The following PPIG variants were observed in gnomAD, a reference collection of about 807,000 sequenced individuals.
The protein encoded by PPIG is peptidyl-prolyl cis-trans isomerase G.
In PPIG, 26 loss-of-function variants were observed where a neutral mutation model predicts 87.9. The observed-to-expected ratio is 0.30, with a 90% CI of 0.22 to 0.41. The LOEUF is 0.41. Ranked by LOEUF, PPIG falls within the 10% of genes least tolerant of loss-of-function variation. The pLI is 1.00. For synonymous variants in PPIG, 308 were observed against 276.5 expected, an observed-to-expected ratio of 1.11 and a Z score of -1.13; for missense variants, 722 against 879.4, an observed-to-expected ratio of 0.82 and a Z score of 2.26.
At chr2:169,606,306 C>T (rs1685321921) in intron 5 of PPIG, among the ~76,000 whole-genome samples, 160 bp downstream of exon 5, 1 of 152,034 alleles carries the variant, frequency 6.6e-6, no homozygotes. Flanking sequence ...AAGAAGGAAG[C>T]TCATAGGCTG....
Position 169,638,378 on chromosome 2 carries a change from T to C in PPIG, c.*855T>C, listed in dbSNP as rs1041379748. The stretch of plus-strand genomic sequence containing the variant: ...AGCTTTTCTCATTAAAACATACCAT[T>C]TGTGCAGGTCCTTAAGCTATACAGA... On this transcript the variant is annotated 3_prime_UTR_variant, in exon 14 of 14. Coordinates refer to ENST00000260970, the MANE Select transcript of PPIG (RefSeq NM_004792.3). The C allele has an allele frequency of 1.1e-4, 16 of 152,000 alleles. No individual in the cohort carries two copies. Among genetic ancestry groups the C allele is most frequent in the African/African-American group, 3.4e-4 (14 of 41,416 alleles). The allele number at this position is 152,000 out of a possible 1,614,324, so 9.4% of individuals were successfully genotyped here.
intron 1 of PPIG, among the ~76,000 whole-genome samples, chr2:169,597,028 TGATA>T (rs1685038644): frequency 8.0e-6 from 1 of 124,650 alleles, no homozygotes; most frequent in Non-Finnish European, 1.8e-5. Context: ...GGTAATCTGT[TGATA>T]GATACTTAAG....
chr2:169,606,079 T>C lies in PPIG; in HGVS notation c.177T>C (p.His59=). 1 of 1,613,402 alleles carries C rather than the reference T, an allele frequency of 6.2e-7. No homozygotes were observed. Among genetic ancestry groups the C allele is most frequent in the African/African-American group, 1.3e-5 (1 of 75,022 alleles). The change falls in exon 5 of 14, where the codon CAT becomes CAC. Residue 59 remains histidine, a synonymous_variant. Coordinates refer to ENST00000260970, the MANE Select transcript of PPIG (RefSeq NM_004792.3). Reference sequence around the variant, plus strand: ...GGAAATCAACTCAGAAACCATTACATTATAAGAGTTGTCTCTTTCACAGAG... The same window carrying C: ...GGAAATCAACTCAGAAACCATTACACTATAAGAGTTGTCTCTTTCACAGAG... ...GTGKSTQKPL[H]YKSCLFHRVV...
At chr2:169,621,833 T>G (rs1175302079) in intron 9 of PPIG, among the ~76,000 whole-genome samples, 2 of 151,920 alleles carry the variant, frequency 1.3e-5, no homozygotes, top group Non-Finnish European at 2.9e-5. Flanking sequence ...GGCTGACACC[T>G]GTAATCCCAG....
At chr2:169,599,851 T>A (rs1412421373) in intron 1 of PPIG, among the ~76,000 whole-genome samples, 4 of 152,182 alleles carry the variant, frequency 2.6e-5, no homozygotes. Flanking sequence ...AAATTAATAT[T>A]CTCAGCAACT....
chr2:169,607,747 T>G lies in PPIG; in HGVS notation c.289+599T>G, dbSNP rs543578643. ...AGATTGGAAAACAAATTCCTCCTTT[T>G]GCGGTAAGTGATGCTATGGCAGAGG... On this transcript the variant is annotated intron_variant, in intron 6 of 13. Coordinates refer to ENST00000260970, the MANE Select transcript of PPIG (RefSeq NM_004792.3). 3.3e-5 allele frequency among the ~76,000 whole-genome samples: 5 copies of G among 152,326 alleles called. No individual in the cohort carries two copies. The East Asian group carries it at 7.7e-4, about 23-fold the overall frequency.
intron 7 of PPIG, among the ~76,000 whole-genome samples, chr2:169,612,005 T>C (rs571237734): frequency 6.6e-6 from 1 of 152,340 alleles, no homozygotes; most frequent in East Asian, 1.9e-4. Context: ...AGACAGAGTC[T>C]TGCTCTGTTG....
intron 12 of PPIG, chr2:169,633,518 G>GT: frequency 1.9e-6 from 1 of 521,510 alleles, no homozygotes; most frequent in East Asian, 3.4e-5. Flanking sequence ...GGCAATCACT[G>GT]TATCTCTATT....
chr2:169,631,535 G>A, intron 10 of PPIG: 1 of 1,261,894 alleles, frequency 7.9e-7, no homozygotes, highest in Non-Finnish European at 1.0e-6. Flanking sequence ...CATTTTGTAG[G>A]AAAATATTTT....
At position 169,636,157 on chromosome 2, in the gene PPIG, T is replaced by C. The variant is rs1303664853; in HGVS notation, c.1083T>C (p.His361=). Residue 361 remains histidine, a synonymous_variant, in exon 13 of 14, where the codon CAT becomes CAC. Coordinates refer to ENST00000260970, the MANE Select transcript of PPIG (RefSeq NM_004792.3). ...TCAGACGTAGTGAGACTCCTCCACA[T>C]TGGAGGCAAGAGATGCAGAGAGCTC... ...DRFRRSETPP[H]WRQEMQRAQR... is the part of the protein sequence containing the mutation. The C allele has an allele frequency of 2.5e-6, 4 of 1,611,872 alleles. No individual in the cohort carries two copies. The highest frequency in any genetic ancestry group is 2.7e-5 in the African/African-American group (2 of 74,804).
chr2:169,637,650 C>A lies in PPIG; in HGVS notation c.*127C>A. On this transcript the variant is annotated 3_prime_UTR_variant, in exon 14 of 14. Transcript: ENST00000260970. ...TTGTTTTATGTTTGTCCTTTTTTTT[C>A]TTAATGTGGATTTCATTGAGTTGAT... The A allele has an allele frequency of 1.0e-6, 1 of 989,366 alleles. No homozygotes were observed. The highest frequency in any genetic ancestry group is 2.1e-5 in the South Asian group (1 of 47,712). The allele number at this position is 989,366 out of a possible 1,614,324, so 61.3% of individuals were successfully genotyped here. A position where few individuals can be genotyped will look rare whatever the true frequency, so the allele number is the denominator to read the frequency against.
intron 7 of PPIG, among the ~76,000 whole-genome samples, chr2:169,612,638 T>C (rs1685521542): frequency 6.6e-6 from 1 of 152,154 alleles, no homozygotes; most frequent in Non-Finnish European, 1.5e-5. Context: ...CGCCTTGGCC[T>C]CCCAAACTGC....
At chr2:169,615,290 G>A (rs1168414031) in intron 9 of PPIG, among the ~76,000 whole-genome samples, 4 of 152,122 alleles carry the variant, frequency 2.6e-5, no homozygotes, top group Admixed American at 6.6e-5. Flanking sequence ...TTTGTGATCC[G>A]CCTGCCTTGG....
intron 1 of PPIG, among the ~76,000 whole-genome samples, chr2:169,602,220 T>C (rs1306859114): frequency 1.6e-5 from 2 of 124,906 alleles, no homozygotes; most frequent in African/African-American, 2.6e-5. Flanking sequence ...TATTCCAAAA[T>C]TCAAAAAAAA....
chr2:169,612,088 G>A (rs956664526), intron 7 of PPIG, among the ~76,000 whole-genome samples: 1 of 151,996 alleles, frequency 6.6e-6, no homozygotes, highest in African/African-American at 2.4e-5. Flanking sequence ...TGATCCTACC[G>A]CCTCAGCCTC....
intron 1 of PPIG, among the ~76,000 whole-genome samples, chr2:169,600,865 T>G (rs2353196): frequency 0.33 from 49,741 of 151,958 alleles, 8,731 homozygotes; most frequent in African/African-American, 0.46. Flanking sequence ...TGCAGATACA[T>G]TTTAAACTTT....
chr2:169,628,067 G>A (rs1036723971), intron 9 of PPIG, among the ~76,000 whole-genome samples: 5 of 151,924 alleles, frequency 3.3e-5, no homozygotes, highest in African/African-American at 1.2e-4. Flanking sequence ...TACCCACTCT[G>A]TCTCACCAGC....
chr2:169,609,379 T>G (rs976039435), intron 7 of PPIG, among the ~76,000 whole-genome samples: 2 of 151,962 alleles, frequency 1.3e-5, no homozygotes, highest in Non-Finnish European at 2.9e-5. Context: ...CTGGCTAATT[T>G]TTTAATTTTT....
At chr2:169,605,718 G>A (rs991367656) in intron 4 of PPIG, among the ~76,000 whole-genome samples, 86 of 151,926 alleles carry the variant, frequency 5.7e-4, no homozygotes, top group African/African-American at 2.0e-3. Context: ...AGAATCACTT[G>A]AACCCAGGAG....
Sources: allele counts gnomAD v4.1 joint callset (sites outside exome capture counted in the v4.1 genomes callset), GRCh38; gene constraint gnomAD v4.1.1; transcripts MANE v1.5; gene names NCBI Gene and HGNC (gene_info 2026-07-23, HGNC 2026-07-21).